CEP120: variants seen among roughly 807,000 people sequenced by gnomAD.
CEP120 encodes the protein centrosomal protein 120.
In CEP120, 113 loss-of-function variants were observed where a neutral mutation model predicts 126.5. The observed-to-expected ratio is 0.89, with a 90% confidence interval of 0.77 to 1.04. CEP120 has a LOEUF of 1.04. CEP120 is among the 50% of genes least tolerant of loss of function. The pLI is 0.00. For synonymous variants in CEP120, 400 were observed against 394.3 expected, an observed-to-expected ratio of 1.01 and a Z score of -0.17; for missense variants, 1,230 against 1,155.7, an observed-to-expected ratio of 1.06 and a Z score of -0.93.
intron 16 of CEP120, among the ~76,000 whole-genome samples, chr5:123,373,821 C>T (rs955903226): frequency 2.6e-5 from 4 of 151,948 alleles, no homozygotes; most frequent in Non-Finnish European, 5.9e-5. Context: ...TCCTTTTTCC[C>T]AGAGACCCCC....
rs75744800 is a variant in CEP120, at chr5:123,386,676, TAAAA to T, written c.1431-13_1431-10del. 1.6e-3 allele frequency: 999 copies of T among 609,386 alleles called. No homozygotes were observed. Among genetic ancestry groups the T allele is most frequent in the East Asian group, 4.8e-3 (84 of 17,628 alleles). 37.7% of individuals were successfully genotyped at this position (609,386 alleles called of 1,614,324 possible). On this transcript the variant is annotated splice_polypyrimidine_tract_variant and intron_variant, in intron 9 of 19. Coordinates refer to ENST00000306467, the MANE Select transcript of CEP120 (RefSeq NM_001375405.1). ...AGAATGGATATGAGTACCTAGAATTTAAAAAAAAAAAAAAAAAAAAAAGCCTTAA... is the reference window on the plus strand; with the variant it reads ...AGAATGGATATGAGTACCTAGAATTTAAAAAAAAAAAAAAAAAAGCCTTAA...
chr5:123,407,630 G>A (rs557408991), intron 4 of CEP120, among the ~76,000 whole-genome samples: 1 of 152,158 alleles, frequency 6.6e-6, no homozygotes, highest in Non-Finnish European at 1.5e-5. Flanking sequence ...ATCCAACTTG[G>A]AGACTTTAAC....
intron 18 of CEP120, among the ~76,000 whole-genome samples, 160 bp downstream of exon 18, chr5:123,364,336 G>A (rs1020703418): frequency 1.3e-5 from 2 of 151,394 alleles, no homozygotes; most frequent in African/African-American, 4.8e-5. Flanking sequence ...TAAAAAAGAA[G>A]GATCTTGCCT....
At chr5:123,379,568 A>G (rs1771500425) in intron 14 of CEP120, among the ~76,000 whole-genome samples, 1 of 152,058 alleles carries the variant, frequency 6.6e-6, no homozygotes, top group Non-Finnish European at 1.5e-5. Context: ...CATAGGATAA[A>G]GTTAATTTAT....
At chr5:123,396,481 T>A (rs1376558055) in intron 5 of CEP120, among the ~76,000 whole-genome samples, 1 of 152,130 alleles carries the variant, frequency 6.6e-6, no homozygotes, top group Non-Finnish European at 1.5e-5. Context: ...TTCACCTGTA[T>A]TACCAAGAAC....
chr5:123,422,006 C>A (rs960956076), intron 1 of CEP120, among the ~76,000 whole-genome samples: 1 of 152,192 alleles, frequency 6.6e-6, no homozygotes, highest in South Asian at 2.1e-4. Context: ...CAAGATGACT[C>A]CTTCTTAACA....
Position 123,372,739 on chromosome 5 carries a change from C to T in CEP120, c.2392G>A (p.Glu798Lys), listed in dbSNP as rs552076257. Residue 798 changes from glutamate to lysine, a missense_variant, in exon 17 of 20, where the codon GAA (glutamate) becomes AAA (lysine). Glu to Lys is a moderately conservative substitution (Grantham distance 56). Coordinates refer to ENST00000306467, the MANE Select transcript of CEP120 (RefSeq NM_001375405.1). ...TCCTTGAACTGTTGGAACTCTTTTT[C>T]CAAAATCTTATACTTATTTTCAGCA... Reference protein sequence around the residue: ...NDAENKYKILEKEFQQFKDQQ... With the variant: ...NDAENKYKILKKEFQQFKDQQ... The T allele has an allele frequency of 6.2e-7, 1 of 1,606,514 alleles. No individual in the cohort carries two copies. The highest frequency in any genetic ancestry group is 1.7e-5 in the Admixed American group (1 of 58,860).
At chr5:123,396,314 C>CCTAGGAG (rs1772788868) in intron 5 of CEP120, among the ~76,000 whole-genome samples, 1 of 151,948 alleles carries the variant, frequency 6.6e-6, no homozygotes, top group Non-Finnish European at 1.5e-5. Context: ...TGGGTGTATA[C>CCTAGGAG]CTAGGAGTAG....
At chr5:123,401,260 G>A (rs1001146698) in intron 4 of CEP120, 129 of 1,610,048 alleles carry the variant, frequency 8.0e-5, no homozygotes, top group Non-Finnish European at 9.9e-5. Context: ...TGCTTGGCCC[G>A]CTGCAGGGCG....
At chr5:123,401,962 G>A (rs1436810472) in intron 4 of CEP120, 5 of 1,595,256 alleles carry the variant, frequency 3.1e-6, no homozygotes, top group Non-Finnish European at 4.3e-6. Flanking sequence ...GTCTTCTGCT[G>A]CTGCAGGAGG....
At chr5:123,404,953 C>T (rs925647641) in intron 4 of CEP120, among the ~76,000 whole-genome samples, 5 of 152,144 alleles carry the variant, frequency 3.3e-5, no homozygotes, top group African/African-American at 1.2e-4. Context: ...TCATCCAACT[C>T]CATCATTTTA....
chr5:123,412,424 C>A lies in CEP120; in HGVS notation c.438G>T (p.Lys146Asn), dbSNP rs1489791528. 2.5e-6 allele frequency: 4 copies of A among 1,605,870 alleles called. No individual in the cohort carries two copies. The highest frequency in any genetic ancestry group is 3.4e-6 in the Non-Finnish European group (4 of 1,177,294). The stretch of plus-strand genomic sequence containing the variant: ...CTTTTCCATCTCGAGGGGGAGCCCC[C>A]TTTGCTTTAAAGCTATCCACTGGTG... Reference protein sequence around the residue: ...TKPPVDSFKAKGAPPRDGKVP... With the variant: ...TKPPVDSFKANGAPPRDGKVP... The change falls in exon 4 of 20, where the codon AAG becomes AAT. Residue 146 changes from lysine (K) to asparagine (N), a missense_variant. Physicochemically the swap from Lys to Asn is moderately conservative, Grantham distance 94 (BLOSUM62 0). Coordinates refer to ENST00000306467, the MANE Select transcript of CEP120 (RefSeq NM_001375405.1).
intron 5 of CEP120, among the ~76,000 whole-genome samples, chr5:123,395,223 G>A (rs907626029): frequency 6.6e-6 from 1 of 152,132 alleles, no homozygotes; most frequent in African/African-American, 2.4e-5. Flanking sequence ...GATATTTAGA[G>A]ACTACTTTTT....
intron 16 of CEP120, among the ~76,000 whole-genome samples, chr5:123,374,129 T>C (rs192839780): frequency 1.2e-4 from 19 of 152,248 alleles, no homozygotes; most frequent in African/African-American, 4.1e-4. Flanking sequence ...TTTGGTACCA[T>C]ATGAATTTTA....
rs776369629 is a variant in CEP120, at chr5:123,360,161, C to G, written c.2580+4335G>C. ...AATCTTCTGAACAAAACCAGATAGA[C>G]GATTCCAAAATTACATTCAAGCACA... On this transcript the variant is annotated intron_variant, in intron 18 of 19. Coordinates refer to ENST00000306467, the MANE Select transcript of CEP120 (RefSeq NM_001375405.1). 4.6e-5 allele frequency among the ~76,000 whole-genome samples: 7 copies of G among 152,020 alleles called. 1 individual carries two copies. The highest frequency in any genetic ancestry group is 4.6e-4 in the Admixed American group (7 of 15,230).
At chr5:123,413,614 TATAAAG>T (rs1157450787) in intron 3 of CEP120, among the ~76,000 whole-genome samples, 1 of 152,204 alleles carries the variant, frequency 6.6e-6, no homozygotes, top group Admixed American at 6.5e-5. Context: ...TCATTTGTTA[TATAAAG>T]ATATAGTAGA....
chr5:123,381,315 G>A (rs978664600), intron 14 of CEP120, among the ~76,000 whole-genome samples: 4 of 152,046 alleles, frequency 2.6e-5, no homozygotes, highest in African/African-American at 4.8e-5. Flanking sequence ...CTGAGAAAAC[G>A]GAATGGAGAC....
At chr5:123,372,119 G>A (rs1244815727) in intron 17 of CEP120, among the ~76,000 whole-genome samples, 4 of 152,060 alleles carry the variant, frequency 2.6e-5, no homozygotes, top group Admixed American at 2.0e-4. Flanking sequence ...CTTCCTAGCT[G>A]AGAGCTAGAG....
Position 123,388,597 on chromosome 5 carries a change from G to A in CEP120, c.1265C>T (p.Ser422Phe). 2 of 1,572,080 alleles carry A rather than the reference G, an allele frequency of 1.3e-6. No individual in the cohort carries two copies. The highest frequency in any genetic ancestry group is 1.2e-5 in the South Asian group (1 of 83,876). ...DTKPNPKASS[S>F]VPASLAQLVT... ...TAGCTGGGCCAGTGAAGCAGGTACA[G>A]AAGAACTGGCTGAAATGAACATAAA... Residue 422 changes from serine to phenylalanine, a missense_variant, in exon 9 of 20, where the codon TCT (serine) becomes TTT (phenylalanine). By Grantham distance (155) the Ser-to-Phe change is radical. Transcript: ENST00000306467.
Sources: allele counts gnomAD v4.1 joint callset (sites outside exome capture counted in the v4.1 genomes callset), GRCh38; gene constraint gnomAD v4.1.1; transcripts MANE v1.5; gene names NCBI Gene and HGNC (gene_info 2026-07-23, HGNC 2026-07-21).